The following UBAP2L variants were observed in gnomAD, a reference collection of about 807,000 sequenced individuals.
UBAP2L encodes the protein ubiquitin associated protein 2 like, also known as ubiquitin-associated protein 2-like.
UBAP2L carries 12 observed loss-of-function variants against 130.6 expected under a neutral mutation model. The ratio of observed to expected loss-of-function variants is 0.09; its 90% CI spans 0.06 to 0.15. UBAP2L has a LOEUF of 0.15. Ranked by LOEUF, UBAP2L falls within the 10% of genes least tolerant of loss-of-function variation. The pLI, the probability that UBAP2L is intolerant of heterozygous loss-of-function variation, is 1.00. For missense variants in UBAP2L, 965 were observed against 1,332.5 expected, an observed-to-expected ratio of 0.72 and a Z score of 4.29; for synonymous variants, 503 against 524.7, an observed-to-expected ratio of 0.96 and a Z score of 0.57.
At chr1:154,252,630 G>A (rs930184901) in intron 14 of UBAP2L, among the ~76,000 whole-genome samples, 9 of 151,884 alleles carry the variant, frequency 5.9e-5, no homozygotes, top group African/African-American at 1.9e-4. Flanking sequence ...TGCAATCTCC[G>A]CTCACTGCAA....
intron 12 of UBAP2L, among the ~76,000 whole-genome samples, chr1:154,250,224 A>G (rs974804975): frequency 3.9e-5 from 6 of 152,028 alleles, no homozygotes; most frequent in Non-Finnish European, 8.8e-5. Context: ...ATGCCTGGCT[A>G]ATTTTTAATT....
At chr1:154,221,612 A>G (rs1162509682) in intron 1 of UBAP2L, among the ~76,000 whole-genome samples, 1 of 151,848 alleles carries the variant, frequency 6.6e-6, no homozygotes, top group East Asian at 1.9e-4. Flanking sequence ...TAGGGAGGAG[A>G]TTGGCCCCGT....
chr1:154,243,034 G>T, intron 9 of UBAP2L, 183 bp from the exon 10 acceptor site: 1 of 471,794 alleles, frequency 2.1e-6, no homozygotes, highest in Non-Finnish European at 3.8e-6. Flanking sequence ...TCTTTCTTTG[G>T]CTAAAACTAT....
intron 7 of UBAP2L, 103 bp from the exon 8 acceptor site, chr1:154,236,921 C>G: frequency 2.3e-6 from 2 of 869,966 alleles, no homozygotes; most frequent in Non-Finnish European, 1.8e-6. Flanking sequence ...GGGGCCATGA[C>G]AGATTTGTAC....
At chr1:154,231,207 C>T (rs1045394541) in intron 4 of UBAP2L, among the ~76,000 whole-genome samples, 1 of 151,150 alleles carries the variant, frequency 6.6e-6, no homozygotes, top group African/African-American at 2.5e-5. Flanking sequence ...TCACTGCAGC[C>T]ATGGACACCT....
intron 9 of UBAP2L, 74 bp from the exon 10 acceptor site, chr1:154,243,143 T>C: frequency 7.9e-7 from 1 of 1,261,396 alleles, no homozygotes; most frequent in Non-Finnish European, 1.1e-6. Flanking sequence ...TGATGTTGAA[T>C]TCCCCTTACC....
upstream of UBAP2L, chr1:154,220,392 T>C: frequency 1.2e-6 from 2 of 1,614,234 alleles, no homozygotes; most frequent in Non-Finnish European, 1.7e-6. Flanking sequence ...GAGAGCCAGT[T>C]ACTGCCGGAC....
chr1:154,253,467 C>T (rs1678544418), intron 14 of UBAP2L, among the ~76,000 whole-genome samples: 1 of 149,502 alleles, frequency 6.7e-6, no homozygotes, highest in Admixed American at 6.6e-5. Context: ...TCACTGCAAG[C>T]TGCGCCTCCC....
intron 21 of UBAP2L, chr1:154,259,610 C>T (rs993521540): frequency 2.9e-6 from 1 of 347,578 alleles, no homozygotes; most frequent in Admixed American, 4.1e-5. Flanking sequence ...GTCCCAGACA[C>T]TTTAAATTAT....
At chr1:154,220,251 G>T, upstream of UBAP2L, 2 of 1,455,012 alleles carry the variant, frequency 1.4e-6, no homozygotes, top group Non-Finnish European at 1.9e-6. Flanking sequence ...GCAGGTGAGT[G>T]GGTGGAGAAT....
intron 18 of UBAP2L, 84 bp downstream of exon 18, chr1:154,255,839 G>A: frequency 1.3e-6 from 2 of 1,532,656 alleles, no homozygotes; most frequent in South Asian, 2.3e-5. Flanking sequence ...GAGAATTATT[G>A]AAAATTTCTT....
At chr1:154,225,332 C>G in intron 2 of UBAP2L, 119 bp downstream of exon 2, 1 of 1,117,012 alleles carries the variant, frequency 9.0e-7, no homozygotes, top group Non-Finnish European at 1.3e-6. Flanking sequence ...TTTTTGTTTT[C>G]TAGTCCTTGG....
rs765812216 is a variant in UBAP2L at position 154,246,273 on chromosome 1, G to T, written c.912G>T (p.Pro304=). The change falls in exon 11 of 27, where the codon CCG becomes CCT. Residue 304 remains proline, a synonymous_variant. Coordinates refer to ENST00000428931, the MANE Select transcript of UBAP2L (RefSeq NM_014847.4). ...AGAATGATTCATCTAATCTGGATCC[G>T]TCTCAGGCTCCTTCTCTGGCCCAGC... ...TMENDSSNLD[P]SQAPSLAQPL... is the part of the protein sequence containing the mutation. 3.1e-6 allele frequency: 5 copies of T among 1,613,798 alleles called. No individual in the cohort carries two copies. The highest frequency in any genetic ancestry group is 4.2e-6 in the Non-Finnish European group (5 of 1,179,922).
chr1:154,245,913 GAAACAAAC>G (rs34188388), intron 10 of UBAP2L, among the ~76,000 whole-genome samples: 4 of 151,692 alleles, frequency 2.6e-5, no homozygotes, highest in Admixed American at 2.0e-4. Flanking sequence ...AGACTTTCTC[GAAACAAAC>G]AAACAAACAA....
intron 24 of UBAP2L, 45 bp from the exon 25 acceptor site, chr1:154,266,456 G>C: frequency 6.3e-7 from 1 of 1,593,044 alleles, no homozygotes; most frequent in Non-Finnish European, 8.6e-7. Context: ...TAAGGGCCAG[G>C]TAGCTAGCTG....
At chr1:154,266,382 C>A (rs1181694235) in intron 24 of UBAP2L, 119 bp from the exon 25 acceptor site, 4 of 1,087,872 alleles carry the variant, frequency 3.7e-6, no homozygotes, top group Non-Finnish European at 5.6e-6. Context: ...AGCTGGAAAA[C>A]CGACCAAAAT....
chr1:154,234,500 T>C, intron 4 of UBAP2L, 91 bp from the exon 5 acceptor site: 1 of 1,381,934 alleles, frequency 7.2e-7, no homozygotes. Context: ...GAGTGGAGAA[T>C]GGTTAAGTCA....
chr1:154,254,993 G>A (rs1679153578), intron 16 of UBAP2L, 103 bp downstream of exon 16: 5 of 1,446,964 alleles, frequency 3.5e-6, no homozygotes, highest in Admixed American at 2.2e-5. Flanking sequence ...GACCCATGCT[G>A]TGTAATTCTC....
At chr1:154,268,658 A>G (rs1399066531) in intron 25 of UBAP2L, 99 bp from the exon 26 acceptor site, 1 of 1,196,096 alleles carries the variant, frequency 8.4e-7, no homozygotes. Flanking sequence ...CTGTGACACC[A>G]TGCTGCTTTC....
Sources: allele counts gnomAD v4.1 joint callset (sites outside exome capture counted in the v4.1 genomes callset), GRCh38; gene constraint gnomAD v4.1.1; transcripts MANE v1.5; gene names NCBI Gene and HGNC (gene_info 2026-07-23, HGNC 2026-07-21).